Variants in LINGO2 observed in about 807,000 individuals in gnomAD.
The protein encoded by LINGO2 is leucine rich repeat and Ig domain containing 2, also known as leucine-rich repeat and immunoglobulin-like domain-containing nogo receptor-interacting protein 2.
In LINGO2, 14 loss-of-function variants were observed where a neutral mutation model predicts 30.6. The observed-to-expected ratio is 0.46, with a 90% CI of 0.30 to 0.72. The LOEUF (loss-of-function observed/expected upper bound fraction) is 0.72, where lower values mean the gene tolerates loss of function less well. LINGO2 is among the 30% of genes least tolerant of loss of function. The probability of loss-of-function intolerance (pLI) is 0.07; values close to 1 mark genes in which losing one functional copy is unlikely to be tolerated. For synonymous variants in LINGO2, 317 were observed against 288.5 expected (o/e 1.10, Z -1.00); for missense variants, 729 against 751.7 (o/e 0.97, Z 0.35).
chr9:29,123,131 T>A, the LINGO2 span, among the ~76,000 whole-genome samples: 1 of 151,594 alleles, frequency 6.6e-6, no homozygotes, highest in African/African-American at 2.4e-5. Flanking sequence ...ACAGTTAGGG[T>A]TCACAGGACA....
chr9:28,887,414 T>C, the LINGO2 span, among the ~76,000 whole-genome samples: 1 of 151,998 alleles, frequency 6.6e-6, no homozygotes, highest in Non-Finnish European at 1.5e-5. Flanking sequence ...GATTCTCAAC[T>C]CTCTCCTGAT....
At position 28,391,604 on chromosome 9, in the gene LINGO2, C is replaced by CGTGCGT. The variant is rs1373862617; in HGVS notation, c.-278-18737_-278-18736insACGCAC. Among the ~76,000 whole-genome samples, 6 of 147,846 alleles carry CGTGCGT rather than the reference C, an allele frequency of 4.1e-5. No homozygotes were observed. The South Asian group carries it at 8.7e-4, about 21-fold the overall frequency. On this transcript the variant is annotated intron_variant, in intron 2 of 5. Coordinates refer to ENST00000379992, the Ensembl canonical transcript of LINGO2. ...TTTTCACAATTTGTATTTATGTTTGCGTGTGTGTGTGTGTGTGTGTGTGTG... is the reference window on the plus strand; with the variant it reads ...TTTTCACAATTTGTATTTATGTTTGCGTGCGTGTGTGTGTGTGTGTGTGTGTGTGTG...
intron 4 of LINGO2, among the ~76,000 whole-genome samples, chr9:28,096,305 T>C (rs1225360391): frequency 6.6e-6 from 1 of 152,204 alleles, no homozygotes; most frequent in Non-Finnish European, 1.5e-5. Flanking sequence ...ATTACTATCA[T>C]TAATAATGCA....
At chr9:28,140,217 G>A (rs12552434) in intron 4 of LINGO2, among the ~76,000 whole-genome samples, 38,919 of 152,094 alleles carry the variant, frequency 0.26, 5,703 homozygotes, top group East Asian at 0.38. Flanking sequence ...TGTAGACAGT[G>A]AGGATTGAGG....
the LINGO2 span, among the ~76,000 whole-genome samples, chr9:28,814,964 G>C: frequency 6.6e-6 from 1 of 152,196 alleles, no homozygotes. Flanking sequence ...AACTTGGTTA[G>C]AAAGTGTCCC....
At chr9:29,098,288 A>G in the LINGO2 span, among the ~76,000 whole-genome samples, 1 of 152,214 alleles carries the variant, frequency 6.6e-6, no homozygotes, top group South Asian at 2.1e-4. Context: ...TGTAACTGCA[A>G]GCAAGCACTG....
At chr9:28,943,472 T>C in the LINGO2 span, among the ~76,000 whole-genome samples, 1 of 152,202 alleles carries the variant, frequency 6.6e-6, no homozygotes, top group Non-Finnish European at 1.5e-5. Flanking sequence ...TTATACAGGT[T>C]TGGATGTTGT....
chr9:28,579,020 G>T (rs1299686079), intron 1 of LINGO2, among the ~76,000 whole-genome samples: 2 of 150,930 alleles, frequency 1.3e-5, no homozygotes, highest in Non-Finnish European at 1.5e-5. Context: ...ATTTTTGTAA[G>T]ATGTAATTAT....
intron 1 of LINGO2, among the ~76,000 whole-genome samples, chr9:28,606,694 C>T (rs978426899): frequency 3.3e-5 from 5 of 151,976 alleles, no homozygotes; most frequent in African/African-American, 4.8e-5. Context: ...GATACCAAAA[C>T]ATTTACTCTT....
chr9:28,498,778 C>T (rs947179459), intron 1 of LINGO2, among the ~76,000 whole-genome samples: 1 of 152,070 alleles, frequency 6.6e-6, no homozygotes, highest in African/African-American at 2.4e-5. Flanking sequence ...TGTAGCTGTT[C>T]CTATTCGGCC....
intron 1 of LINGO2, among the ~76,000 whole-genome samples, chr9:28,647,765 C>T (rs551460989): frequency 6.6e-6 from 1 of 151,974 alleles, no homozygotes; most frequent in Non-Finnish European, 1.5e-5. Context: ...ATAAACTGAA[C>T]CTTCCAAAGA....
intron 4 of LINGO2, among the ~76,000 whole-genome samples, chr9:28,109,820 A>C (rs1336543531): frequency 1.3e-5 from 2 of 152,166 alleles, no homozygotes; most frequent in Admixed American, 6.5e-5. Context: ...ATAATGCCAA[A>C]GTAATTTATA....
chr9:28,490,128 G>A (rs965069763), intron 1 of LINGO2, among the ~76,000 whole-genome samples: 8 of 152,136 alleles, frequency 5.3e-5, no homozygotes, highest in African/African-American at 1.4e-4. Context: ...AGCTGCTTTC[G>A]AATCCTACCC....
At chr9:28,170,363 G>A (rs1221342955) in intron 4 of LINGO2, among the ~76,000 whole-genome samples, 1 of 152,172 alleles carries the variant, frequency 6.6e-6, no homozygotes, top group Admixed American at 6.5e-5. Context: ...CCACCGGCAT[G>A]TAAGAGGATT....
chr9:28,227,032 T>C (rs1329104137), intron 4 of LINGO2, among the ~76,000 whole-genome samples: 1 of 152,168 alleles, frequency 6.6e-6, no homozygotes, highest in East Asian at 1.9e-4. Context: ...GGAAAATTTC[T>C]AACCCATTGG....
At position 28,078,804 on chromosome 9, in the gene LINGO2, C is replaced by T. The variant is rs1046012645; in HGVS notation, c.-86-66399G>A. Among the ~76,000 whole-genome samples the T allele has an allele frequency of 1.6e-4, 24 of 146,850 alleles. 1 individual carries two copies. The highest frequency in any genetic ancestry group is 1.4e-4 in the African/African-American group (5 of 36,868). On this transcript the variant is annotated intron_variant, in intron 4 of 5. Transcript: ENST00000379992. ...CAGAGGTGGCAGTGAGCCAAGATCG[C>T]GCCATTGCACTCCAGCCTGGGCAAC...
the LINGO2 span, among the ~76,000 whole-genome samples, chr9:29,036,974 T>G: frequency 6.6e-6 from 1 of 151,938 alleles, no homozygotes; most frequent in African/African-American, 2.4e-5. Flanking sequence ...TTATAATAAT[T>G]TATGTTAGGA....
At chr9:28,180,833 A>G (rs1423072005) in intron 4 of LINGO2, among the ~76,000 whole-genome samples, 6 of 151,516 alleles carry the variant, frequency 4.0e-5, no homozygotes, top group Non-Finnish European at 7.4e-5. Context: ...ACACATAGAC[A>G]CACACACACA....
chr9:28,579,195 T>A (rs951560502), intron 1 of LINGO2, among the ~76,000 whole-genome samples: 1 of 152,074 alleles, frequency 6.6e-6, no homozygotes. Context: ...TCCTGAGAAT[T>A]AGCATCATCA....
Sources: gnomAD v4.1 joint callset for allele counts (sites outside exome capture counted in the v4.1 genomes callset) on GRCh38, gnomAD v4.1.1 for gene constraint, MANE v1.5 for transcripts, NCBI Gene and HGNC (gene_info 2026-07-23, HGNC 2026-07-21) for gene names.